EPC2: variants seen among roughly 807,000 people sequenced by gnomAD.
EPC2 encodes the protein enhancer of polycomb 2.
Under a neutral mutation model 92.1 loss-of-function variants are expected in EPC2, and 14 were observed. The ratio of observed to expected loss-of-function variants is 0.15; its 90% CI spans 0.10 to 0.24. The LOEUF is 0.24. Ranked by LOEUF, EPC2 falls within the 10% of genes least tolerant of loss-of-function variation. EPC2 has a pLI of 1.00. For synonymous variants in EPC2, 340 were observed against 334.7 expected, an observed-to-expected ratio of 1.02 and a Z score of -0.17; for missense variants, 755 against 971.5, an observed-to-expected ratio of 0.78 and a Z score of 2.96.
At chr2:148,687,870 C>A (rs997479332) in intron 1 of EPC2, among the ~76,000 whole-genome samples, 2 of 152,062 alleles carry the variant, frequency 1.3e-5, no homozygotes. Context: ...TAATTATTTT[C>A]TTATTATTTG....
At position 148,754,032 on chromosome 2, in the gene EPC2, T is replaced by G. The variant is rs1030313158; in HGVS notation, c.565T>G (p.Ser189Ala). 2 of 1,611,488 alleles carry G rather than the reference T, an allele frequency of 1.2e-6. No homozygotes were observed. Among genetic ancestry groups the G allele is most frequent in the Non-Finnish European group, 1.7e-6 (2 of 1,178,842 alleles). ...VRKRKNCRGP[S>A]LIPQIKQEKR... ...AAAACGTAAAAACTGCAGGGGGCCA[T>G]CCCTCATTCCTCAGATAAAACAAGA... is the stretch of plus-strand genomic sequence containing the variant. The change falls in exon 4 of 14, where the codon TCC (serine) becomes GCC (alanine). Residue 189 changes from serine (S) to alanine (A), a missense_variant. Ser to Ala is a moderately conservative substitution (Grantham distance 99). This residue lies in a region of EPC2 where 509 missense variants were observed against 607.7 expected (regional missense o/e 0.84). Transcript: ENST00000258484.
chr2:148,733,952 A>T (rs1682698980), intron 2 of EPC2, among the ~76,000 whole-genome samples: 1 of 152,168 alleles, frequency 6.6e-6, no homozygotes, highest in African/African-American at 2.4e-5. Context: ...AACCAAAGAA[A>T]TAATTAGAAT....
chr2:148,668,500 A>T (rs1681095765), intron 1 of EPC2, among the ~76,000 whole-genome samples: 1 of 152,104 alleles, frequency 6.6e-6, no homozygotes, highest in Non-Finnish European at 1.5e-5. Context: ...TTTGGAAAAA[A>T]TTGTGTAGAG....
chr2:148,767,092 G>A (rs890686004), intron 7 of EPC2, among the ~76,000 whole-genome samples: 4 of 152,010 alleles, frequency 2.6e-5, no homozygotes, highest in Non-Finnish European at 2.9e-5. Context: ...CAGCTACTCC[G>A]GAGGCTGAGG....
At chr2:148,675,729 T>G (rs1681250270) in intron 1 of EPC2, among the ~76,000 whole-genome samples, 1 of 152,230 alleles carries the variant, frequency 6.6e-6, no homozygotes, top group Admixed American at 6.5e-5. Flanking sequence ...GGCACTCTTG[T>G]GCTGATGGCC....
intron 2 of EPC2, chr2:148,692,197 A>AT (rs1207847354): frequency 5.4e-6 from 1 of 185,304 alleles, no homozygotes; most frequent in East Asian, 1.5e-4. Context: ...CCTATAGCTC[A>AT]TTAAAGACTT....
intron 1 of EPC2, among the ~76,000 whole-genome samples, chr2:148,647,452 C>T (rs552819088): frequency 3.6e-4 from 55 of 151,344 alleles, no homozygotes; most frequent in African/African-American, 1.2e-3. Flanking sequence ...AGATTATAGG[C>T]GCCCACTACC....
chr2:148,723,604 T>A (rs1682426458), intron 2 of EPC2, among the ~76,000 whole-genome samples: 1 of 152,212 alleles, frequency 6.6e-6, no homozygotes, highest in Non-Finnish European at 1.5e-5. Context: ...ATTTTCAGTT[T>A]GTTCAGCCTT....
chr2:148,726,255 A>G (rs1490016104), intron 2 of EPC2, among the ~76,000 whole-genome samples: 12 of 152,312 alleles, frequency 7.9e-5, no homozygotes, highest in Admixed American at 3.9e-4. Context: ...TGTAATGAAC[A>G]TGGATGTGGA....
chr2:148,698,841 T>TA (rs1553445168), intron 2 of EPC2, among the ~76,000 whole-genome samples: 2,536 of 147,900 alleles, frequency 0.017, 69 homozygotes, highest in African/African-American at 0.057. Context: ...TTTTTTTTTT[T>TA]AAAAAAAAAG....
intron 13 of EPC2, 94 bp downstream of exon 13, chr2:148,785,095 G>A (rs1301486962): frequency 3.0e-6 from 3 of 1,012,934 alleles, no homozygotes; most frequent in Non-Finnish European, 4.1e-6. Context: ...AGCAATAGGT[G>A]TTTATTGACA....
chr2:148,683,081 T>A (rs59537059), intron 1 of EPC2, among the ~76,000 whole-genome samples: 27,385 of 151,778 alleles, frequency 0.18, 3,524 homozygotes, highest in East Asian at 0.47. Flanking sequence ...ATCTTAAATT[T>A]TTTTTTTTTT....
At chr2:148,712,194 T>C (rs1682157169) in intron 2 of EPC2, among the ~76,000 whole-genome samples, 1 of 152,160 alleles carries the variant, frequency 6.6e-6, no homozygotes, top group East Asian at 1.9e-4. Context: ...TTTATACTTC[T>C]GTTTTCTCTC....
chr2:148,760,540 C>T (rs539631485), intron 4 of EPC2, among the ~76,000 whole-genome samples: 1 of 151,894 alleles, frequency 6.6e-6, no homozygotes, highest in East Asian at 1.9e-4. Context: ...TAGTTGCTGT[C>T]GAAAATATTA....
At chr2:148,691,734 G>A (rs1463839290) in intron 2 of EPC2, 2 of 1,003,708 alleles carry the variant, frequency 2.0e-6, no homozygotes, top group Non-Finnish European at 3.1e-6. Context: ...ATCTGCTCAA[G>A]GTTCAGTTCT....
Position 148,644,909 on chromosome 2 carries a change from C to T in EPC2, c.-109C>T. The T allele has an allele frequency of 1.0e-6, 1 of 970,256 alleles. No individual in the cohort carries two copies. Among genetic ancestry groups the T allele is most frequent in the South Asian group, 1.6e-5 (1 of 64,276 alleles). The allele number at this position is 970,256 out of a possible 1,614,324, so 60.1% of individuals were successfully genotyped here. ...GCAGTGAGGAGGAGGAGGAGCGGGCCGGCCGCGCTGCACTGAGGAAGGAGG... is the reference window on the plus strand; with the variant it reads ...GCAGTGAGGAGGAGGAGGAGCGGGCTGGCCGCGCTGCACTGAGGAAGGAGG... On this transcript the variant is annotated 5_prime_UTR_variant, in exon 1 of 14. Transcript: ENST00000258484.
intron 2 of EPC2, among the ~76,000 whole-genome samples, chr2:148,743,324 A>G (rs550500146): frequency 2.6e-5 from 4 of 152,126 alleles, no homozygotes; most frequent in Non-Finnish European, 5.9e-5. Context: ...TATGCCACCA[A>G]ACTACCATGT....
chr2:148,772,721 A>C (rs900217543), intron 10 of EPC2, among the ~76,000 whole-genome samples: 37 of 152,190 alleles, frequency 2.4e-4, no homozygotes, highest in Admixed American at 2.2e-3. Flanking sequence ...GTGAAGTTGA[A>C]AGAGTGCTTG....
intron 2 of EPC2, among the ~76,000 whole-genome samples, chr2:148,697,659 A>G (rs2105375332): frequency 6.6e-6 from 1 of 152,282 alleles, no homozygotes; most frequent in East Asian, 1.9e-4. Context: ...TAGAGGGAGA[A>G]CCACTAGGGC....
Sources: gnomAD v4.1 joint callset for allele counts (sites outside exome capture counted in the v4.1 genomes callset) on GRCh38, gnomAD v4.1.1 for gene constraint, gnomAD v4.1.1 regional missense constraint, MANE v1.5 for transcripts, NCBI Gene and HGNC (gene_info 2026-07-23, HGNC 2026-07-21) for gene names.